The following ZNF423 variants were observed in gnomAD, a reference collection of about 807,000 sequenced individuals.
ZNF423 encodes the protein zinc finger protein 423.
A neutral mutation model predicts 95.8 loss-of-function variants in ZNF423; 12 were observed. The ratio of observed to expected loss-of-function variants is 0.13; its 90% CI spans 0.08 to 0.20. ZNF423 has a LOEUF of 0.20. Among genes scored for constraint, ZNF423 ranks in the 10% least tolerant of loss-of-function variants. The probability of loss-of-function intolerance (pLI) is 1.00; values close to 1 mark genes in which losing one functional copy is unlikely to be tolerated. For missense variants in ZNF423, 1,316 were observed against 1,737.1 expected, an observed-to-expected ratio of 0.76 and a Z score of 4.31; for synonymous variants, 749 against 711.9, an observed-to-expected ratio of 1.05 and a Z score of -0.83.
intron 5 of ZNF423, among the ~76,000 whole-genome samples, chr16:49,563,095 G>A (rs988286902): frequency 1.3e-5 from 2 of 152,140 alleles, no homozygotes; most frequent in African/African-American, 4.8e-5. Context: ...CCAGCTGTAC[G>A]CATTTTACAT....
At chr16:49,792,299 T>C (rs2034429400) in intron 1 of ZNF423, among the ~76,000 whole-genome samples, 1 of 152,074 alleles carries the variant, frequency 6.6e-6, no homozygotes, top group African/African-American at 2.4e-5. Flanking sequence ...GCCCCAAAGA[T>C]GTCAAGTCAT....
At chr16:49,842,410 A>AAGGAAGGCAGGAAGGAAGGAAGGC (rs1448904663) in intron 1 of ZNF423, among the ~76,000 whole-genome samples, 1 of 77,914 alleles carries the variant, frequency 1.3e-5, no homozygotes, top group Non-Finnish European at 2.9e-5. Context: ...GGAAGGAAGG[A>AAGGAAGGCAGGAAGGAAGGAAGGC]AGGCAGGCAG....
At chr16:49,674,355 T>C (rs1321807939) in intron 3 of ZNF423, among the ~76,000 whole-genome samples, 1 of 152,162 alleles carries the variant, frequency 6.6e-6, no homozygotes, top group African/African-American at 2.4e-5. Flanking sequence ...GAGCACGCAG[T>C]GTGTTCTCGG....
chr16:49,602,858 CA>C (rs1442305991), intron 5 of ZNF423, among the ~76,000 whole-genome samples: 2 of 152,162 alleles, frequency 1.3e-5, no homozygotes, highest in African/African-American at 4.8e-5. Context: ...CCGCGGCTGC[CA>C]AAATTACTGA....
intron 3 of ZNF423, among the ~76,000 whole-genome samples, chr16:49,709,168 T>TTTTTTATATATATATATATA (rs68002485): frequency 1.1e-5 from 1 of 93,420 alleles, no homozygotes; most frequent in Admixed American, 1.0e-4. Context: ...CAGCAGCCGT[T>TTTTTTATATATATATATATA]TATATATATA....
chr16:49,715,529 C>A (rs1332562115), intron 3 of ZNF423, among the ~76,000 whole-genome samples: 1 of 152,160 alleles, frequency 6.6e-6, no homozygotes, highest in Non-Finnish European at 1.5e-5. Context: ...GTACTTGAGG[C>A]CAGGAGTCTG....
At chr16:49,583,358 A>AG (rs1970730955) in intron 5 of ZNF423, among the ~76,000 whole-genome samples, 1 of 152,232 alleles carries the variant, frequency 6.6e-6, no homozygotes, top group South Asian at 2.1e-4. Flanking sequence ...ACATTAGAAA[A>AG]GCATCTTGTG....
At chr16:49,570,616 C>T (rs1013301796) in intron 5 of ZNF423, among the ~76,000 whole-genome samples, 2 of 152,196 alleles carry the variant, frequency 1.3e-5, no homozygotes, top group Non-Finnish European at 2.9e-5. Context: ...TCTTCCCCAA[C>T]CAAACCACTT....
At chr16:49,829,556 C>T (rs1003010215) in intron 1 of ZNF423, among the ~76,000 whole-genome samples, 9 of 152,212 alleles carry the variant, frequency 5.9e-5, no homozygotes, top group African/African-American at 1.9e-4. Flanking sequence ...TCCATGTTGC[C>T]CCCTGGCTTC....
At chr16:49,772,129 C>G (rs1014780498) in intron 2 of ZNF423, among the ~76,000 whole-genome samples, 1 of 152,182 alleles carries the variant, frequency 6.6e-6, no homozygotes, top group Non-Finnish European at 1.5e-5. Flanking sequence ...ATGTCCAAAT[C>G]CCAAGGCCTG....
chr16:49,563,215 G>T (rs891713345), intron 5 of ZNF423, among the ~76,000 whole-genome samples: 16 of 152,180 alleles, frequency 1.1e-4, no homozygotes, highest in African/African-American at 3.1e-4. Context: ...GATCACAGGG[G>T]AAGGAGCGTG....
intron 7 of ZNF423, among the ~76,000 whole-genome samples, chr16:49,519,672 A>T (rs1480774660): frequency 6.6e-6 from 1 of 152,222 alleles, no homozygotes; most frequent in African/African-American, 2.4e-5. Flanking sequence ...TCTCCCAATC[A>T]GTGACTTTTC....
intron 3 of ZNF423, among the ~76,000 whole-genome samples, chr16:49,658,812 C>T (rs1381271217): frequency 6.6e-6 from 1 of 152,172 alleles, no homozygotes; most frequent in Non-Finnish European, 1.5e-5. Flanking sequence ...GCATGTGGGT[C>T]CCCCACCCTT....
At chr16:49,710,605 C>A (rs903774930) in intron 3 of ZNF423, among the ~76,000 whole-genome samples, 1 of 152,174 alleles carries the variant, frequency 6.6e-6, no homozygotes, top group South Asian at 2.1e-4. Flanking sequence ...TGGCACAGCA[C>A]CTCTGTGCAG....
At chr16:49,497,457 C>A (rs943419504) in intron 7 of ZNF423, among the ~76,000 whole-genome samples, 6 of 152,174 alleles carry the variant, frequency 3.9e-5, no homozygotes, top group Non-Finnish European at 1.5e-5. Context: ...GAGACTAGGC[C>A]GTGGTTCTGG....
intron 2 of ZNF423, among the ~76,000 whole-genome samples, chr16:49,773,384 C>T (rs144716883): frequency 5.4e-4 from 82 of 152,216 alleles, no homozygotes; most frequent in African/African-American, 1.9e-3. Context: ...CTCACTGTCA[C>T]GAGAACAGCA....
At chr16:49,592,786 ATCCCCTCGCC>A (rs1344151457) in intron 5 of ZNF423, among the ~76,000 whole-genome samples, 9 of 152,224 alleles carry the variant, frequency 5.9e-5, no homozygotes, top group African/African-American at 2.2e-4. Flanking sequence ...CCTGAGGGCT[ATCCCCTCGCC>A]TCCCCTCCCC....
chr16:49,596,736 G>C (rs1971189816), intron 5 of ZNF423, among the ~76,000 whole-genome samples: 2 of 152,110 alleles, frequency 1.3e-5, no homozygotes, highest in Non-Finnish European at 2.9e-5. Context: ...CTGCAGGAGA[G>C]AGACAGAGAA....
chr16:49,533,270 G>A (rs1384736903), intron 5 of ZNF423, among the ~76,000 whole-genome samples: 1 of 152,142 alleles, frequency 6.6e-6, no homozygotes, highest in Non-Finnish European at 1.5e-5. Flanking sequence ...CCTGGGGGTC[G>A]CAATGGGATT....
Sources: allele counts gnomAD v4.1 joint callset (sites outside exome capture counted in the v4.1 genomes callset), GRCh38; gene constraint gnomAD v4.1.1; transcripts MANE v1.5; gene names NCBI Gene and HGNC (gene_info 2026-07-23, HGNC 2026-07-21).